CDK5RAP1: variants seen among roughly 807,000 people sequenced by gnomAD.
CDK5RAP1 encodes CDK5RAP1 mitochondrial tRNA methylthiotransferase, also known as mitochondrial tRNA methylthiotransferase CDK5RAP1.
Under a neutral mutation model 64.5 loss-of-function variants are expected in CDK5RAP1, and 62 were observed. The observed-to-expected ratio is 0.96, with a 90% CI of 0.78 to 1.19. The LOEUF is 1.19. CDK5RAP1 is among the 50% of genes most tolerant of loss of function. The probability of loss-of-function intolerance (pLI) is 0.00; values close to 1 mark genes in which losing one functional copy is unlikely to be tolerated. For synonymous variants in CDK5RAP1, 250 were observed against 261.9 expected (o/e 0.95, Z 0.44); for missense variants, 657 against 735.0 (o/e 0.89, Z 1.23).
chr20:33,366,061 G>A (rs2146592578), intron 12 of CDK5RAP1, among the ~76,000 whole-genome samples: 1 of 152,334 alleles, frequency 6.6e-6, no homozygotes, highest in Non-Finnish European at 1.5e-5. Context: ...GCTCACACCT[G>A]TAATCCCAGC....
rs1347247863 is a variant in CDK5RAP1, at chr20:33,373,896, T to A, written c.1205+219A>T. Reference sequence around the variant, plus strand: ...CTGCTCAGTAAATATTTATGCTTTTTAAACTAAACAGTGAAAATGGGTGAC... The same window carrying A: ...CTGCTCAGTAAATATTTATGCTTTTAAAACTAAACAGTGAAAATGGGTGAC... On this transcript the variant is annotated intron_variant, in intron 9 of 13. Coordinates refer to ENST00000346416, the MANE Select transcript of CDK5RAP1 (RefSeq NM_016408.4). The A allele has an allele frequency of 1.3e-5, 7 of 546,726 alleles. No individual in the cohort carries two copies. In the African/African-American group the frequency reaches 1.3e-4, roughly 10 times the overall value. 33.9% of individuals were successfully genotyped at this position (546,726 alleles called of 1,614,324 possible).
At chr20:33,393,194 T>C (rs2146713925) in intron 4 of CDK5RAP1, among the ~76,000 whole-genome samples, 1 of 152,130 alleles carries the variant, frequency 6.6e-6, no homozygotes, top group South Asian at 2.1e-4. Flanking sequence ...TTATCTTTTA[T>C]TTTTCTTTGT....
intron 9 of CDK5RAP1, chr20:33,373,652 G>A (rs1191705530): frequency 6.4e-6 from 1 of 157,134 alleles, no homozygotes; most frequent in African/African-American, 2.4e-5. Context: ...TGAACACATA[G>A]AGCGACATTT....
At chr20:33,401,331 T>C (rs1228286176) in intron 1 of CDK5RAP1, 97 bp downstream of exon 1, 1 of 914,650 alleles carries the variant, frequency 1.1e-6, no homozygotes, top group Non-Finnish European at 1.3e-6. Flanking sequence ...ATCCTCCCTC[T>C]TGAACACCGT....
intron 5 of CDK5RAP1, among the ~76,000 whole-genome samples, chr20:33,387,912 C>T (rs1175684322): frequency 6.6e-6 from 1 of 151,850 alleles, no homozygotes; most frequent in Non-Finnish European, 1.5e-5. Flanking sequence ...ACTAAAAATA[C>T]AAAAGTACCC....
At chr20:33,399,194 G>C (rs1480731642) in intron 1 of CDK5RAP1, among the ~76,000 whole-genome samples, 1 of 151,574 alleles carries the variant, frequency 6.6e-6, no homozygotes, top group Non-Finnish European at 1.5e-5. Context: ...GACTAAGGAA[G>C]AATTCTAGGA....
chr20:33,386,158 G>A (rs1987402915), intron 6 of CDK5RAP1, among the ~76,000 whole-genome samples: 1 of 152,176 alleles, frequency 6.6e-6, no homozygotes, highest in African/African-American at 2.4e-5. Flanking sequence ...CCACCTCCCA[G>A]GTTCAAGTGA....
chr20:33,373,923 A>G, intron 9 of CDK5RAP1, 192 bp downstream of exon 9: 1 of 573,730 alleles, frequency 1.7e-6, no homozygotes, highest in Non-Finnish European at 3.1e-6. Flanking sequence ...ATGGGTGACC[A>G]GTCCTTAGCC....
chr20:33,398,032 T>C (rs939989514), intron 1 of CDK5RAP1, among the ~76,000 whole-genome samples: 4 of 152,196 alleles, frequency 2.6e-5, no homozygotes, highest in Admixed American at 6.5e-5. Context: ...ACCTTCAAAC[T>C]TTCCACCCAG....
At chr20:33,389,426 G>A (rs533248780) in intron 5 of CDK5RAP1, among the ~76,000 whole-genome samples, 8 of 151,680 alleles carry the variant, frequency 5.3e-5, no homozygotes, top group South Asian at 2.1e-4. Flanking sequence ...CCCTCCGCCC[G>A]GCAGCTGCCC....
intron 12 of CDK5RAP1, among the ~76,000 whole-genome samples, chr20:33,364,082 CATTTTTGTCAATTATTGTCAGGTATGAT>C (rs1304859642): frequency 6.6e-6 from 1 of 151,592 alleles, no homozygotes. Flanking sequence ...AATATTAAGA[CATTTTTGTCAATTATTGTCAGGTATGAT>C]AATAGCATTT....
intron 5 of CDK5RAP1, among the ~76,000 whole-genome samples, chr20:33,387,851 G>C (rs776648327): frequency 6.6e-6 from 1 of 152,090 alleles, no homozygotes; most frequent in Non-Finnish European, 1.5e-5. Context: ...CGGATCACCT[G>C]AGGTTGAGAG....
intron 13 of CDK5RAP1, chr20:33,359,343 C>T (rs1197915776): frequency 1.9e-6 from 1 of 513,596 alleles, no homozygotes; most frequent in Admixed American, 3.4e-5. Context: ...TCAGTCCCAG[C>T]CACTTCTCCC....
chr20:33,389,449 G>A (rs974369201), intron 5 of CDK5RAP1, among the ~76,000 whole-genome samples: 2 of 152,286 alleles, frequency 1.3e-5, no homozygotes, highest in African/African-American at 4.8e-5. Context: ...ACTGGGAAGT[G>A]AGGAGCGTCT....
At position 33,360,526 on chromosome 20, in the gene CDK5RAP1, T is replaced by C. The variant is rs371161290; in HGVS notation, c.1543-35A>G. On this transcript the variant is annotated intron_variant, in intron 12 of 13. Transcript: ENST00000346416. Reference sequence around the variant, plus strand: ...GAAGAGAGAAGAGTTCGTGGATTTGTCACAGTTGTAAGTTCTTGGAGGGTA... The same window carrying C: ...GAAGAGAGAAGAGTTCGTGGATTTGCCACAGTTGTAAGTTCTTGGAGGGTA... The C allele has an allele frequency of 6.3e-6, 10 of 1,588,668 alleles. No homozygotes were observed. In the African/African-American group the frequency reaches 1.2e-4, roughly 19 times the overall value.
chr20:33,385,833 CAGGACTCAGCTTCAAT>C, intron 6 of CDK5RAP1, 63 bp from the exon 7 acceptor site: 1 of 1,478,700 alleles, frequency 6.8e-7, no homozygotes, highest in Non-Finnish European at 9.2e-7. Flanking sequence ...ACCCAAGGAG[CAGGACTCAGCTTCAAT>C]AGCATTATTC....
intron 12 of CDK5RAP1, among the ~76,000 whole-genome samples, chr20:33,365,242 T>C (rs1198120254): frequency 6.6e-6 from 1 of 152,032 alleles, no homozygotes; most frequent in Non-Finnish European, 1.5e-5. Flanking sequence ...CAGCATTCAT[T>C]ATACTATTCT....
intron 8 of CDK5RAP1, among the ~76,000 whole-genome samples, chr20:33,375,030 G>GA (rs1005671927): frequency 5.4e-5 from 8 of 148,482 alleles, no homozygotes; most frequent in East Asian, 2.0e-4. Context: ...GAAGAAAAAA[G>GA]AAAAAAAAAG....
intron 7 of CDK5RAP1, chr20:33,385,449 T>C: frequency 3.7e-6 from 2 of 539,064 alleles, no homozygotes; most frequent in South Asian, 4.7e-5. Context: ...TCATGCCCTC[T>C]CCATCCACCA....
Sources: gnomAD v4.1 joint callset for allele counts (sites outside exome capture counted in the v4.1 genomes callset) on GRCh38, gnomAD v4.1.1 for gene constraint, MANE v1.5 for transcripts, NCBI Gene and HGNC (gene_info 2026-07-23, HGNC 2026-07-21) for gene names.